SLC38A3: variants seen among roughly 807,000 people sequenced by gnomAD.
SLC38A3 encodes sodium-coupled neutral amino acid transporter 3.
SLC38A3 carries 17 observed loss-of-function variants against 59.5 expected under a neutral mutation model. The ratio of observed to expected loss-of-function variants is 0.29; its 90% confidence interval spans 0.20 to 0.43. The LOEUF (loss-of-function observed/expected upper bound fraction) is 0.43. Ranked by LOEUF, SLC38A3 falls within the 20% of genes least tolerant of loss-of-function variation. The pLI, the probability that SLC38A3 is intolerant of heterozygous loss-of-function variation, is 1.00. For synonymous variants in SLC38A3, 238 were observed against 260.3 expected (o/e 0.91, Z 0.82); for missense variants, 454 against 653.9 (o/e 0.69, Z 3.33).
intron 1 of SLC38A3, among the ~76,000 whole-genome samples, chr3:50,212,350 T>C (rs1028187736): frequency 1.3e-5 from 2 of 152,192 alleles, no homozygotes; most frequent in African/African-American, 4.8e-5. Flanking sequence ...GGGGGGACTC[T>C]GGAGTAGCTC....
chr3:50,215,407 C>T lies in SLC38A3; in HGVS notation c.321C>T (p.Ala107=), dbSNP rs747811829. The T allele has an allele frequency of 6.2e-7, 1 of 1,614,042 alleles. No individual in the cohort carries two copies. The highest frequency in any genetic ancestry group is 8.5e-7 in the Non-Finnish European group (1 of 1,179,886). The change falls in exon 5 of 16, where the codon GCC becomes GCT. Residue 107 remains alanine, a synonymous_variant. Transcript: ENST00000614032. This position sits in a 1 kb window ranked among gnomAD's most constrained non-coding sequence, Gnocchi z 7.1. ...CCAGGTTCCTGTTGACAGCTGTCGC[C>T]TTGCTCTCCAGCTACTCCATCCACC... is the stretch of plus-strand genomic sequence containing the variant. ...ILFLFLLTAV[A]LLSSYSIHLL...
rs1462753575 is a variant in SLC38A3 at position 50,215,889 on chromosome 3, GC to G, written c.548+69del. 2.4e-6 allele frequency: 1 copy of G among 420,448 alleles called. No individual in the cohort carries two copies. Among genetic ancestry groups the G allele is most frequent in the African/African-American group, 2.2e-5 (1 of 46,110 alleles). The allele number at this position is 420,448 out of a possible 1,614,324, so 26.0% of individuals were successfully genotyped here. ...GTGAGGAGGGGTGGGGTGGGGTGGG[GC>G]TGGGTGAGGGTGGGGGGGCCCAGGC... is the stretch of plus-strand genomic sequence containing the variant. On this transcript the variant is annotated intron_variant, in intron 7 of 15. Transcript: ENST00000614032. The surrounding 1 kb of genome is among the most constrained non-coding windows in gnomAD (Gnocchi z 7.1).
rs781069217 is a variant in SLC38A3, at chr3:50,218,812, C to T, written c.1170C>T (p.Arg390=). The change falls in exon 14 of 16, where the codon CGC becomes CGT. Residue 390 remains arginine, a synonymous_variant. Coordinates refer to ENST00000614032, the MANE Select transcript of SLC38A3 (RefSeq NM_006841.6). This position sits in a 1 kb window ranked among gnomAD's most constrained non-coding sequence, Gnocchi z 5.8. ...TVPIVLFPVR[R]AIQQMLFPNQ... ...TCTCACCTGCCCCCCAGGTGCGCCGCGCCATCCAGCAGATGCTGTTTCCAA... is the reference window on the plus strand; with the variant it reads ...TCTCACCTGCCCCCCAGGTGCGCCGTGCCATCCAGCAGATGCTGTTTCCAA... 15 of 1,607,646 alleles carry T rather than the reference C, an allele frequency of 9.3e-6. No individual in the cohort carries two copies. The highest frequency in any genetic ancestry group is 8.8e-5 in the South Asian group (8 of 90,998).
In SLC38A3 at chr3:50,220,237, C is replaced by T. The variant is rs902131362; in HGVS notation, c.*60C>T. 9 of 1,322,454 alleles carry T rather than the reference C, an allele frequency of 6.8e-6. No homozygotes were observed. Among genetic ancestry groups the T allele is most frequent in the East Asian group, 5.0e-5 (2 of 39,860 alleles). The allele number at this position is 1,322,454 out of a possible 1,614,324, so 81.9% of individuals were successfully genotyped here. On this transcript the variant is annotated 3_prime_UTR_variant, in exon 16 of 16. Coordinates refer to ENST00000614032, the MANE Select transcript of SLC38A3 (RefSeq NM_006841.6). ...GCAGCCCTGCCCAGACTCTTCAGCCCCTGCTCCCATCCAGTGGCCAGTCGG... is the reference window on the plus strand; with the variant it reads ...GCAGCCCTGCCCAGACTCTTCAGCCTCTGCTCCCATCCAGTGGCCAGTCGG...
In SLC38A3 at chr3:50,218,174, G is replaced by C; in HGVS notation, c.936-96G>C. The C allele has an allele frequency of 2.7e-6, 3 of 1,092,032 alleles. No homozygotes were observed. The highest frequency in any genetic ancestry group is 2.0e-4 in the Middle Eastern group (1 of 5,066). The allele number at this position is 1,092,032 out of a possible 1,614,324, so 67.6% of individuals were successfully genotyped here. A position where few individuals can be genotyped will look rare whatever the true frequency, so the allele number is the denominator to read the frequency against. ...AAGGAGACTCCCTCAGATGCTGAAT[G>C]GTGAAAGTATGGTGCCAGAGAGAGC... On this transcript the variant is annotated intron_variant, in intron 11 of 15. Transcript: ENST00000614032. This position sits in a 1 kb window ranked among gnomAD's most constrained non-coding sequence, Gnocchi z 5.8.
At chr3:50,209,543 G>A (rs1287714830) in intron 1 of SLC38A3, among the ~76,000 whole-genome samples, 3 of 151,994 alleles carry the variant, frequency 2.0e-5, no homozygotes, top group Non-Finnish European at 4.4e-5. Flanking sequence ...CAGCTACTCG[G>A]GAAGCTGAGG....
chr3:50,219,221 CAT>C (rs1412044311), intron 14 of SLC38A3, among the ~76,000 whole-genome samples: 1 of 152,212 alleles, frequency 6.6e-6, no homozygotes, highest in Non-Finnish European at 1.5e-5. Flanking sequence ...CCACATTTCA[CAT>C]GTCAGGAAAC....
At chr3:50,216,803 C>T (rs756324011) in intron 7 of SLC38A3, among the ~76,000 whole-genome samples, 59 of 147,398 alleles carry the variant, frequency 4.0e-4, no homozygotes, top group Middle Eastern at 3.5e-3. Flanking sequence ...GACGGAGTCT[C>T]GCTCAGTCGC....
At chr3:50,216,807 C>A (rs2109156645) in intron 7 of SLC38A3, among the ~76,000 whole-genome samples, 1 of 150,274 alleles carries the variant, frequency 6.7e-6, no homozygotes. Flanking sequence ...GAGTCTCGCT[C>A]AGTCGCCCAG....
Position 50,220,216 on chromosome 3 carries a change from C to T in SLC38A3, c.*39C>T. The T allele has an allele frequency of 2.0e-6, 3 of 1,478,920 alleles. No homozygotes were observed. The highest frequency in any genetic ancestry group is 1.4e-5 in the African/African-American group (1 of 71,900). 91.6% of individuals were successfully genotyped at this position (1,478,920 alleles called of 1,614,324 possible). A position where few individuals can be genotyped will look rare whatever the true frequency, so the allele number is the denominator to read the frequency against. ...CTGTTCTGTCTACTCACCCTAGCAG[C>T]CCTGCCCAGACTCTTCAGCCCCTGC... is the stretch of plus-strand genomic sequence containing the variant. On this transcript the variant is annotated 3_prime_UTR_variant, in exon 16 of 16. Transcript: ENST00000614032.
chr3:50,218,421 C>T lies in SLC38A3; in HGVS notation c.1036+51C>T, dbSNP rs756336428. On this transcript the variant is annotated intron_variant, in intron 12 of 15. Transcript: ENST00000614032. The surrounding 1 kb of genome is among the most constrained non-coding windows in gnomAD (Gnocchi z 5.8). ...CCTAGGCTAGGCTGGGGGGAAGGGG[C>T]TGGTTGTGGCCATGGTGCCCTCCAT... 15 of 1,532,794 alleles carry T rather than the reference C, an allele frequency of 9.8e-6. 3 individuals carry two copies. The South Asian group carries it at 1.1e-4, about 11-fold the overall frequency. 94.9% of individuals were successfully genotyped at this position (1,532,794 alleles called of 1,614,324 possible). A position where few individuals can be genotyped will look rare whatever the true frequency, so the allele number is the denominator to read the frequency against.
rs181141608 is a variant in SLC38A3, at chr3:50,210,673, C to T, written c.-51-3476C>T. Reference sequence around the variant, plus strand: ...TTAATTAGCCAAACTCAACACCTGCCGAGGTGTGCCTGATGAATTCTCACC... The same window carrying T: ...TTAATTAGCCAAACTCAACACCTGCTGAGGTGTGCCTGATGAATTCTCACC... On this transcript the variant is annotated intron_variant, in intron 1 of 15. Coordinates refer to ENST00000614032, the MANE Select transcript of SLC38A3 (RefSeq NM_006841.6). Among the ~76,000 whole-genome samples the T allele has an allele frequency of 5.3e-5, 8 of 152,266 alleles. No homozygotes were observed. In the East Asian group the frequency reaches 1.4e-3, roughly 26 times the overall value.
chr3:50,218,313 G>T lies in SLC38A3; in HGVS notation c.979G>T (p.Ala327Ser). The T allele has an allele frequency of 6.2e-7, 1 of 1,613,498 alleles. No homozygotes were observed. The highest frequency in any genetic ancestry group is 1.3e-5 in the African/African-American group (1 of 75,010). Residue 327 changes from alanine to serine, a missense_variant, in exon 12 of 16, where the codon GCT becomes TCT. Around this residue, in one of 3 missense-constraint regions of SLC38A3, gnomAD observed 390 missense variants for 557.9 expected, o/e 0.70. Transcript: ENST00000614032. The surrounding 1 kb of genome is among the most constrained non-coding windows in gnomAD (Gnocchi z 5.8). ...KMQHISNLSI[A>S]VMYIMYFLAA... ...GCAGCACATCTCCAACCTGTCCATC[G>T]CTGTCATGTACATCATGTACTTCCT...
rs374589787 is a variant in SLC38A3, at chr3:50,218,882, C to T, written c.1240C>T (p.Leu414=). The T allele has an allele frequency of 5.0e-6, 8 of 1,613,640 alleles. No homozygotes were observed. The highest frequency in any genetic ancestry group is 4.0e-5 in the African/African-American group (3 of 74,940). ...WLRHVLIAVG[L]LTCINLLVIF... ...GCGGCATGTGCTTATTGCCGTTGGCCTGCTCACTTGTATCAACCTGCTGGT... is the reference window on the plus strand; with the variant it reads ...GCGGCATGTGCTTATTGCCGTTGGCTTGCTCACTTGTATCAACCTGCTGGT... Residue 414 remains leucine, a synonymous_variant, in exon 14 of 16, where the codon CTG becomes TTG. Transcript: ENST00000614032. This position sits in a 1 kb window ranked among gnomAD's most constrained non-coding sequence, Gnocchi z 5.8.
In SLC38A3 at chr3:50,218,408, T is replaced by TG; in HGVS notation, c.1036+44dup. 2 of 1,555,928 alleles carry TG rather than the reference T, an allele frequency of 1.3e-6. No individual in the cohort carries two copies. Among genetic ancestry groups the TG allele is most frequent in the Non-Finnish European group, 1.8e-6 (2 of 1,127,174 alleles). On this transcript the variant is annotated intron_variant, in intron 12 of 15. Coordinates refer to ENST00000614032, the MANE Select transcript of SLC38A3 (RefSeq NM_006841.6). The surrounding 1 kb of genome is among the most constrained non-coding windows in gnomAD (Gnocchi z 5.8). The stretch of plus-strand genomic sequence containing the variant: ...CGGTGGGCAGAGGCCTAGGCTAGGC[T>TG]GGGGGGAAGGGGCTGGTTGTGGCCA...
chr3:50,218,157 T>G lies in SLC38A3; in HGVS notation c.936-113T>G. ...AGGTGATTATGAGCAAGAAGGAGAC[T>G]CCCTCAGATGCTGAATGGTGAAAGT... On this transcript the variant is annotated intron_variant, in intron 11 of 15. Transcript: ENST00000614032. This position sits in a 1 kb window ranked among gnomAD's most constrained non-coding sequence, Gnocchi z 5.8. The G allele has an allele frequency of 9.6e-7, 1 of 1,045,930 alleles. No individual in the cohort carries two copies. Among genetic ancestry groups the G allele is most frequent in the Non-Finnish European group, 1.5e-6 (1 of 678,938 alleles). 64.8% of individuals were successfully genotyped at this position (1,045,930 alleles called of 1,614,324 possible).
chr3:50,209,235 A>G (rs1243778007), intron 1 of SLC38A3, among the ~76,000 whole-genome samples: 2 of 152,152 alleles, frequency 1.3e-5, no homozygotes, highest in Non-Finnish European at 2.9e-5. Context: ...CTCGTGAACC[A>G]AGAGCTTCTG....
At chr3:50,210,628 G>A (rs1240135393) in intron 1 of SLC38A3, among the ~76,000 whole-genome samples, 1 of 152,212 alleles carries the variant, frequency 6.6e-6, no homozygotes, top group East Asian at 1.9e-4. Context: ...AGTGGCCTGG[G>A]TTCCTGGGGC....
chr3:50,218,799 C>A lies in SLC38A3; in HGVS notation c.1162-5C>A, dbSNP rs587622474. 4 of 1,603,988 alleles carry A rather than the reference C, an allele frequency of 2.5e-6. No homozygotes were observed. The Admixed American group carries it at 6.7e-5, about 27-fold the overall frequency. On this transcript the variant is annotated splice_polypyrimidine_tract_variant and splice_region_variant and intron_variant, in intron 13 of 15. Transcript: ENST00000614032. This position sits in a 1 kb window ranked among gnomAD's most constrained non-coding sequence, Gnocchi z 5.8. ...GGCTGATGATTCTTCTCACCTGCCCCCCAGGTGCGCCGCGCCATCCAGCAG... is the reference window on the plus strand; with the variant it reads ...GGCTGATGATTCTTCTCACCTGCCCACCAGGTGCGCCGCGCCATCCAGCAG...
Sources: gnomAD v4.1 joint callset for allele counts (sites outside exome capture counted in the v4.1 genomes callset) on GRCh38, gnomAD v4.1.1 for gene constraint, gnomAD v4.1.1 regional missense constraint, Gnocchi (gnomAD v3.1) non-coding constraint, MANE v1.5 for transcripts, NCBI Gene and HGNC (gene_info 2026-07-23, HGNC 2026-07-21) for gene names.